Variants in SLC22A16 observed in about 807,000 individuals in gnomAD.
SLC22A16 encodes solute carrier family 22 member 16.
In SLC22A16, 53 loss-of-function variants were observed where a neutral mutation model predicts 52.9. The ratio of observed to expected loss-of-function variants is 1.00; its 90% CI spans 0.80 to 1.26. The LOEUF is 1.26. SLC22A16 is among the 50% of genes most tolerant of loss of function. SLC22A16 has a pLI of 0.00. For missense variants in SLC22A16, 726 were observed against 704.0 expected (o/e 1.03, Z -0.35); for synonymous variants, 291 against 268.8 (o/e 1.08, Z -0.81).
rs556515383 is a variant in SLC22A16 at position 110,433,854 on chromosome 6, A to T, written c.1421+1998T>A. ...AACTATTACGGAATTTCACAGAGGG[A>T]GATCTGTGGGACAAGTGTCTCTTGG... On this transcript the variant is annotated intron_variant, in intron 6 of 7. Transcript: ENST00000368919. Among the ~76,000 whole-genome samples, 3 of 152,330 alleles carry T rather than the reference A, an allele frequency of 2.0e-5. No individual in the cohort carries two copies. The East Asian group carries it at 5.8e-4, about 29-fold the overall frequency.
intron 2 of SLC22A16, among the ~76,000 whole-genome samples, chr6:110,450,343 G>A (rs964965155): frequency 2.6e-5 from 4 of 152,104 alleles, no homozygotes; most frequent in South Asian, 2.1e-4. Flanking sequence ...TGGGCATGGC[G>A]GCTCATGCCT....
intron 4 of SLC22A16, 145 bp downstream of exon 4, chr6:110,442,099 T>A: frequency 2.7e-6 from 2 of 729,276 alleles, no homozygotes. Flanking sequence ...GATATCATAA[T>A]AATATGGTTG....
In SLC22A16 at chr6:110,442,531, C is replaced by G. The variant is rs771641524; in HGVS notation, c.896G>C (p.Gly299Ala). 40 of 1,614,028 alleles carry G rather than the reference C, an allele frequency of 2.5e-5. No homozygotes were observed. In the East Asian group the frequency reaches 8.7e-4, roughly 35 times the overall value. The part of the protein sequence containing the change: ...PETPFWLLSE[G>A]RYEEAQKIVD... ...TATTTTTTGTGCTTCTTCATATCGT[C>G]CCTCTGAGAGAAGCCAAAAAGGTGT... The change falls in exon 4 of 8, where the codon GGA (glycine) becomes GCA (alanine). Residue 299 changes from glycine to alanine, a missense_variant. Transcript: ENST00000368919.
chr6:110,433,950 AG>A (rs140307277), intron 6 of SLC22A16, among the ~76,000 whole-genome samples: 2,322 of 152,264 alleles, frequency 0.015, 61 homozygotes, highest in African/African-American at 0.054. Context: ...AGAGTCAAAA[AG>A]TCTGACGGGC....
intron 1 of SLC22A16, among the ~76,000 whole-genome samples, chr6:110,466,804 A>C (rs535911035): frequency 6.6e-5 from 10 of 152,296 alleles, no homozygotes; most frequent in Non-Finnish European, 2.9e-5. Context: ...AAATCATTAT[A>C]TCAAAAAGAC....
intron 3 of SLC22A16, 84 bp downstream of exon 3, chr6:110,446,789 G>C: frequency 8.3e-7 from 1 of 1,202,734 alleles, no homozygotes; most frequent in Non-Finnish European, 1.2e-6. Context: ...TCGCTCACTA[G>C]ATCTTAAATG....
intron 2 of SLC22A16, among the ~76,000 whole-genome samples, chr6:110,454,739 AAT>A (rs1337769941): frequency 2.7e-5 from 2 of 73,564 alleles, no homozygotes; most frequent in African/African-American, 5.8e-5. Context: ...ATGTACATAT[AAT>A]ATATATATTA....
At chr6:110,469,129 C>T (rs1776175275) in intron 1 of SLC22A16, among the ~76,000 whole-genome samples, 1 of 152,366 alleles carries the variant, frequency 6.6e-6, no homozygotes, top group Non-Finnish European at 1.5e-5. Flanking sequence ...TGGGCTTCAT[C>T]TTACACAGCA....
intron 2 of SLC22A16, among the ~76,000 whole-genome samples, chr6:110,449,427 T>C (rs1775291422): frequency 6.6e-6 from 1 of 152,232 alleles, no homozygotes; most frequent in South Asian, 2.1e-4. Flanking sequence ...CAGTTGCTCT[T>C]CTCTGCTTTA....
intron 6 of SLC22A16, 61 bp downstream of exon 6, chr6:110,435,791 A>G: frequency 7.8e-7 from 1 of 1,283,770 alleles, no homozygotes. Flanking sequence ...GGCCAAATAC[A>G]ATGAAATGAC....
intron 7 of SLC22A16, 71 bp from the exon 8 acceptor site, chr6:110,425,156 CCTAA>C (rs1423813533): frequency 8.2e-6 from 13 of 1,584,790 alleles, no homozygotes; most frequent in Middle Eastern, 1.7e-4. Context: ...AATAGAATTT[CCTAA>C]CTGTTTTCAG....
chr6:110,435,548 G>A (rs374199448), intron 6 of SLC22A16, among the ~76,000 whole-genome samples: 35 of 152,256 alleles, frequency 2.3e-4, no homozygotes, highest in African/African-American at 7.2e-4. Flanking sequence ...TCAGAACATC[G>A]AGAGACACAT....
In SLC22A16 at chr6:110,476,515, C is replaced by T; in HGVS notation, c.53+7G>A. The T allele has an allele frequency of 4.1e-6, 6 of 1,462,378 alleles. No individual in the cohort carries two copies. The highest frequency in any genetic ancestry group is 2.0e-5 in the Admixed American group (1 of 48,782). 90.6% of individuals were successfully genotyped at this position (1,462,378 alleles called of 1,614,324 possible). ...CCGCGTGGCGCCGCGGGGCCCCTCC[C>T]CCATACCTGCCGAAGTGCCCCACGT... On this transcript the variant is annotated splice_region_variant and intron_variant, in intron 1 of 7. Transcript: ENST00000368919.
chr6:110,462,221 G>A (rs968461105), intron 1 of SLC22A16, among the ~76,000 whole-genome samples: 2 of 152,174 alleles, frequency 1.3e-5, no homozygotes, highest in Non-Finnish European at 2.9e-5. Context: ...TGAGATTTGG[G>A]TGGGACACAG....
At chr6:110,431,128 G>A (rs775874046) in intron 7 of SLC22A16, 43 bp downstream of exon 7, 14 of 1,523,430 alleles carry the variant, frequency 9.2e-6, no homozygotes, top group Non-Finnish European at 1.3e-5. Context: ...ATTAGAAACT[G>A]CCTCCGTGCC....
At chr6:110,447,736 T>C (rs898508795) in intron 2 of SLC22A16, among the ~76,000 whole-genome samples, 6 of 152,194 alleles carry the variant, frequency 3.9e-5, no homozygotes. Context: ...TTCTGGACAT[T>C]TCCCATAAAT....
chr6:110,452,288 T>TAATTTTA (rs1331567275), intron 2 of SLC22A16, among the ~76,000 whole-genome samples: 5 of 152,364 alleles, frequency 3.3e-5, no homozygotes, highest in Admixed American at 3.3e-4. Context: ...TATAGAAATA[T>TAATTTTA]AATTTTAAAT....
At chr6:110,443,799 A>G (rs1053789049) in intron 3 of SLC22A16, among the ~76,000 whole-genome samples, 2 of 152,248 alleles carry the variant, frequency 1.3e-5, no homozygotes, top group Non-Finnish European at 2.9e-5. Flanking sequence ...CCATAGATGA[A>G]TAGATAAGAA....
Position 110,472,486 on chromosome 6 carries a change from C to G in SLC22A16, c.53+4036G>C, listed in dbSNP as rs1410531756. 2.0e-5 allele frequency among the ~76,000 whole-genome samples: 3 copies of G among 152,304 alleles called. No homozygotes were observed. In the East Asian group the frequency reaches 5.8e-4, roughly 29 times the overall value. On this transcript the variant is annotated intron_variant, in intron 1 of 7. Transcript: ENST00000368919. Reference sequence around the variant, plus strand: ...AAGCTTACCTCCTGCCTCTCTCACTCTCATATTTTATACCCCCAAAATAAT... The same window carrying G: ...AAGCTTACCTCCTGCCTCTCTCACTGTCATATTTTATACCCCCAAAATAAT...
Sources: gnomAD v4.1 joint callset for allele counts (sites outside exome capture counted in the v4.1 genomes callset) on GRCh38, gnomAD v4.1.1 for gene constraint, MANE v1.5 for transcripts, NCBI Gene and HGNC (gene_info 2026-07-23, HGNC 2026-07-21) for gene names.